Variants in FAM13B observed in about 807,000 individuals in gnomAD.
FAM13B encodes the protein family with sequence similarity 13 member B, also known as protein FAM13B.
Under a neutral mutation model 117.3 loss-of-function variants are expected in FAM13B, and 60 were observed. The ratio of observed to expected loss-of-function variants is 0.51; its 90% CI spans 0.42 to 0.63. The LOEUF is 0.63. Ranked by LOEUF, FAM13B falls within the 30% of genes least tolerant of loss-of-function variation. The pLI, the probability that FAM13B is intolerant of heterozygous loss-of-function variation, is 0.00. For missense variants in FAM13B, 972 were observed against 1,091.9 expected (o/e 0.89, Z 1.55); for synonymous variants, 332 against 356.1 (o/e 0.93, Z 0.76).
At position 138,018,301 on chromosome 5, in the gene FAM13B, C is replaced by T; in HGVS notation, c.370+1G>A. 1 of 1,611,996 alleles carries T rather than the reference C, an allele frequency of 6.2e-7. No homozygotes were observed. The highest frequency in any genetic ancestry group is 1.1e-5 in the South Asian group (1 of 91,016). On this transcript the variant is annotated splice_donor_variant, in intron 4 of 23. Transcript: ENST00000689681. LOFTEE classifies it high-confidence loss of function. ...AATTGATAAGTATCAAATTATGTTA[C>T]CTTGAGAAAGCTGCATCAAGTGAAT... is the stretch of plus-strand genomic sequence containing the variant.
At chr5:138,044,504 A>T (rs1343480182) in intron 1 of FAM13B, among the ~76,000 whole-genome samples, 3 of 151,144 alleles carry the variant, frequency 2.0e-5, no homozygotes, top group African/African-American at 7.3e-5. Context: ...GTGACCCAAG[A>T]TCACACCATT....
intron 13 of FAM13B, among the ~76,000 whole-genome samples, chr5:137,957,770 G>A (rs1767017434): frequency 6.6e-6 from 1 of 152,098 alleles, no homozygotes; most frequent in South Asian, 2.1e-4. Flanking sequence ...GACTTGTTTA[G>A]GCTGTTGAAC....
intron 1 of FAM13B, among the ~76,000 whole-genome samples, chr5:138,051,243 A>C (rs908650940): frequency 6.6e-5 from 10 of 152,206 alleles, no homozygotes; most frequent in African/African-American, 2.2e-4. Context: ...CATATTAGTA[A>C]ATTTGTTTCT....
At chr5:138,051,140 TAC>T (rs1422806687) in intron 1 of FAM13B, among the ~76,000 whole-genome samples, 3 of 152,188 alleles carry the variant, frequency 2.0e-5, no homozygotes, top group African/African-American at 7.2e-5. Context: ...TTATAAAATG[TAC>T]ACACACAATT....
chr5:137,976,415 T>C (rs1194275086), intron 10 of FAM13B, among the ~76,000 whole-genome samples: 1 of 152,224 alleles, frequency 6.6e-6, no homozygotes, highest in Admixed American at 6.5e-5. Context: ...ATGCAATAAA[T>C]TTTCTTTAAT....
At chr5:137,951,530 ATG>A in intron 17 of FAM13B, among the ~76,000 whole-genome samples, 1 of 151,828 alleles carries the variant, frequency 6.6e-6, no homozygotes, top group African/African-American at 2.4e-5. Context: ...GTGGCAGTGC[ATG>A]TCTGTAGTCC....
chr5:137,961,272 C>T (rs1217231546), intron 11 of FAM13B, among the ~76,000 whole-genome samples: 3 of 151,690 alleles, frequency 2.0e-5, no homozygotes, highest in African/African-American at 7.3e-5. Flanking sequence ...AGTTTGCTAA[C>T]TTATACACAG....
chr5:138,022,698 A>C (rs1254307232), intron 1 of FAM13B, among the ~76,000 whole-genome samples: 2 of 152,232 alleles, frequency 1.3e-5, no homozygotes, highest in African/African-American at 4.8e-5. Context: ...CTCATGACAT[A>C]AAGGGGGATT....
intron 4 of FAM13B, among the ~76,000 whole-genome samples, chr5:138,016,636 A>C (rs1039324217): frequency 2.6e-5 from 4 of 152,224 alleles, no homozygotes; most frequent in Non-Finnish European, 5.9e-5. Flanking sequence ...CATTTCAAAA[A>C]AACAACAACA....
At chr5:138,013,934 T>G (rs907426304) in intron 4 of FAM13B, among the ~76,000 whole-genome samples, 1 of 152,160 alleles carries the variant, frequency 6.6e-6, no homozygotes, top group Non-Finnish European at 1.5e-5. Context: ...TTTAGTTCTG[T>G]GAGCGCAGAG....
At chr5:138,040,997 G>C (rs1791483138) in intron 1 of FAM13B, among the ~76,000 whole-genome samples, 1 of 149,746 alleles carries the variant, frequency 6.7e-6, no homozygotes. Flanking sequence ...CTGGGAGGCA[G>C]AGGTTGCAGT....
At chr5:138,032,439 C>A (rs1195830299) in intron 1 of FAM13B, among the ~76,000 whole-genome samples, 6 of 152,206 alleles carry the variant, frequency 3.9e-5, no homozygotes, top group Non-Finnish European at 1.5e-5. Context: ...GCAGCGCCAG[C>A]GGGCAGGAGA....
At chr5:137,946,454 G>C (rs1482810605) in intron 18 of FAM13B, 143 bp from the exon 19 acceptor site, 1 of 571,960 alleles carries the variant, frequency 1.7e-6, no homozygotes. Flanking sequence ...GTCTAGCCCA[G>C]GCCTTTGCTT....
chr5:137,984,851 C>A (rs2150566020), intron 10 of FAM13B, among the ~76,000 whole-genome samples: 1 of 152,112 alleles, frequency 6.6e-6, no homozygotes, highest in East Asian at 1.9e-4. Flanking sequence ...TCACTGCAAG[C>A]TCTGCCTCCT....
At chr5:138,008,676 T>G (rs1232182449) in intron 6 of FAM13B, among the ~76,000 whole-genome samples, 3 of 152,224 alleles carry the variant, frequency 2.0e-5, no homozygotes, top group Non-Finnish European at 2.9e-5. Flanking sequence ...TGCCTATCAT[T>G]ATAACTGAAA....
At chr5:138,036,439 C>T (rs759937689), upstream of FAM13B, 56 of 456,556 alleles carry the variant, frequency 1.2e-4, no homozygotes, top group Non-Finnish European at 2.2e-4. Context: ...GCCAAAACAG[C>T]CGCCAGCCTG....
At chr5:138,020,058 G>A in intron 2 of FAM13B, 7 of 918,508 alleles carry the variant, frequency 7.6e-6, no homozygotes, top group Non-Finnish European at 9.1e-6. Context: ...TATCAACACT[G>A]TTATTTCTTT....
At chr5:137,991,928 C>T (rs962442242) in intron 7 of FAM13B, among the ~76,000 whole-genome samples, 2 of 152,048 alleles carry the variant, frequency 1.3e-5, no homozygotes, top group Non-Finnish European at 2.9e-5. Flanking sequence ...TTAAAATTAG[C>T]AACTTTTTTT....
chr5:138,051,236 A>G (rs1047041840), intron 1 of FAM13B, among the ~76,000 whole-genome samples: 5 of 152,210 alleles, frequency 3.3e-5, no homozygotes, highest in African/African-American at 1.2e-4. Context: ...ATAGATCCAT[A>G]TTAGTAAATT....
Sources: gnomAD v4.1 joint callset for allele counts (sites outside exome capture counted in the v4.1 genomes callset) on GRCh38, gnomAD v4.1.1 for gene constraint, MANE v1.5 for transcripts, NCBI Gene and HGNC (gene_info 2026-07-23, HGNC 2026-07-21) for gene names.